The following TNFRSF11A variants were observed in gnomAD, a reference collection of about 807,000 sequenced individuals.
TNFRSF11A encodes the protein TNF receptor superfamily member 11a.
TNFRSF11A carries 32 observed loss-of-function variants against 55.7 expected under a neutral mutation model. That is an observed-to-expected ratio of 0.57 (90% confidence interval 0.43 to 0.77). TNFRSF11A has a LOEUF of 0.77. Among genes scored for constraint, TNFRSF11A ranks in the 30% least tolerant of loss-of-function variants. The pLI, the probability that TNFRSF11A is intolerant of heterozygous loss-of-function variation, is 0.00. For missense variants in TNFRSF11A, 753 were observed against 809.8 expected, an observed-to-expected ratio of 0.93 and a Z score of 0.85; for synonymous variants, 311 against 331.0, an observed-to-expected ratio of 0.94 and a Z score of 0.65.
chr18:62,377,833 T>C (rs559554424), intron 9 of TNFRSF11A, among the ~76,000 whole-genome samples: 10 of 152,300 alleles, frequency 6.6e-5, no homozygotes, highest in African/African-American at 2.4e-4. Context: ...TCTTCCAGTC[T>C]GCGGCTTGTT....
At chr18:62,350,941 G>T (rs1378200422) in intron 3 of TNFRSF11A, among the ~76,000 whole-genome samples, 1 of 150,906 alleles carries the variant, frequency 6.6e-6, no homozygotes, top group Non-Finnish European at 1.5e-5. Context: ...ACATTTTGTT[G>T]GTTGCATTCC....
chr18:62,336,159 A>G (rs1442743230), intron 1 of TNFRSF11A, among the ~76,000 whole-genome samples: 1 of 152,244 alleles, frequency 6.6e-6, no homozygotes, highest in African/African-American at 2.4e-5. Flanking sequence ...GTGTTTGGAA[A>G]TAGGAGAAAG....
At position 62,369,006 on chromosome 18, in the gene TNFRSF11A, C is replaced by T; in HGVS notation, c.1089C>T (p.Leu363=). The part of the protein sequence containing the change: ...PSQPTDQLLF[L]TEPGSKSTPP... The stretch of plus-strand genomic sequence containing the variant: ...AGCCCACAGACCAGTTACTGTTCCT[C>T]ACTGAGCCTGGAAGCAAATCCACAC... The change falls in exon 9 of 10, where the codon CTC becomes CTT. Residue 363 remains leucine (L), a synonymous_variant. Coordinates refer to ENST00000586569, the MANE Select transcript of TNFRSF11A (RefSeq NM_003839.4). The T allele has an allele frequency of 1.2e-6, 2 of 1,614,264 alleles. No homozygotes were observed. The highest frequency in any genetic ancestry group is 1.7e-6 in the Non-Finnish European group (2 of 1,180,052).
At chr18:62,360,711 T>A (rs1909621791) in intron 6 of TNFRSF11A, among the ~76,000 whole-genome samples, 1 of 152,142 alleles carries the variant, frequency 6.6e-6, no homozygotes, top group African/African-American at 2.4e-5. Flanking sequence ...TCTCCCAAAG[T>A]GCTAGGATTA....
intron 3 of TNFRSF11A, among the ~76,000 whole-genome samples, chr18:62,353,052 G>T (rs960845486): frequency 1.3e-5 from 2 of 152,084 alleles, no homozygotes; most frequent in African/African-American, 4.8e-5. Flanking sequence ...GGGGTATGGG[G>T]TCATGTACTT....
intron 1 of TNFRSF11A, among the ~76,000 whole-genome samples, chr18:62,326,044 G>T (rs1748310254): frequency 6.6e-6 from 1 of 152,224 alleles, no homozygotes; most frequent in African/African-American, 2.4e-5. Flanking sequence ...CGGTCCTCTC[G>T]GAACAGGTTT....
Position 62,383,561 on chromosome 18 carries a change from T to C in TNFRSF11A, c.1568-1190T>C, listed in dbSNP as rs1911445001. On this transcript the variant is annotated intron_variant, in intron 9 of 9. Transcript: ENST00000586569. This position sits in a 1 kb window ranked among gnomAD's most constrained non-coding sequence, Gnocchi z 4.2. ...GGATTCTGTTTGTGATGCTGAGTGT[T>C]GGGGTGTTTCTAGATCTGCTTGGTT... 6.6e-6 allele frequency among the ~76,000 whole-genome samples: 1 copy of C among 152,176 alleles called. No individual in the cohort carries two copies. The highest frequency in any genetic ancestry group is 2.4e-5 in the African/African-American group (1 of 41,434).
chr18:62,332,320 G>C (rs2046166916), intron 1 of TNFRSF11A, among the ~76,000 whole-genome samples: 1 of 152,198 alleles, frequency 6.6e-6, no homozygotes, highest in Non-Finnish European at 1.5e-5. Context: ...GTATCACGTA[G>C]TAGCACAAAC....
At chr18:62,363,677 C>A (rs1909869113) in intron 7 of TNFRSF11A, among the ~76,000 whole-genome samples, 1 of 152,020 alleles carries the variant, frequency 6.6e-6, no homozygotes, top group Non-Finnish European at 1.5e-5. Flanking sequence ...AAGTGGTGAC[C>A]ATTTCTTAAA....
At chr18:62,331,807 T>A (rs2046158676) in intron 1 of TNFRSF11A, among the ~76,000 whole-genome samples, 1 of 152,234 alleles carries the variant, frequency 6.6e-6, no homozygotes, top group African/African-American at 2.4e-5. Flanking sequence ...ACATTGCCGC[T>A]GCCTAAGATG....
In TNFRSF11A at chr18:62,361,665, T is replaced by A; in HGVS notation, c.617-15T>A. On this transcript the variant is annotated splice_polypyrimidine_tract_variant and intron_variant, in intron 6 of 9. Coordinates refer to ENST00000586569, the MANE Select transcript of TNFRSF11A (RefSeq NM_003839.4). ...GAATCTTTACTACCATATTTCTCAT[T>A]TTCTTCCAATACAGAACCCCATGTT... 6.2e-7 allele frequency: 1 copy of A among 1,605,084 alleles called. No individual in the cohort carries two copies. Among genetic ancestry groups the A allele is most frequent in the Admixed American group, 1.7e-5 (1 of 60,012 alleles).
chr18:62,375,544 G>A (rs148054622), intron 9 of TNFRSF11A, among the ~76,000 whole-genome samples: 115 of 152,260 alleles, frequency 7.6e-4, no homozygotes, highest in African/African-American at 2.7e-3. Flanking sequence ...AGATTGGTTC[G>A]ATAGCCTGAA....
At position 62,325,325 on chromosome 18, in the gene TNFRSF11A, C is replaced by T; in HGVS notation, c.-28C>T. On this transcript the variant is annotated 5_prime_UTR_variant, in exon 1 of 10. Coordinates refer to ENST00000586569, the MANE Select transcript of TNFRSF11A (RefSeq NM_003839.4). This position sits in a 1 kb window ranked among gnomAD's most constrained non-coding sequence, Gnocchi z 4.7. Reference sequence around the variant, plus strand: ...GCTGGGCCACAGAGGCCGCTGAGGCCGCGGCGCCCGCCAGCCTGTCCCGCG... The same window carrying T: ...GCTGGGCCACAGAGGCCGCTGAGGCTGCGGCGCCCGCCAGCCTGTCCCGCG... 2.0e-6 allele frequency: 2 copies of T among 996,260 alleles called. No individual in the cohort carries two copies. The highest frequency in any genetic ancestry group is 2.4e-6 in the Non-Finnish European group (2 of 835,206). The allele number at this position is 996,260 out of a possible 1,614,324, so 61.7% of individuals were successfully genotyped here. A position where few individuals can be genotyped will look rare whatever the true frequency, so the allele number is the denominator to read the frequency against.
chr18:62,345,288 G>A (rs767015464), intron 1 of TNFRSF11A, among the ~76,000 whole-genome samples: 6 of 152,192 alleles, frequency 3.9e-5, no homozygotes, highest in Non-Finnish European at 5.9e-5. Context: ...GGCATGCTTT[G>A]TCTTTGGCAT....
At chr18:62,371,550 A>G (rs1193152153) in intron 9 of TNFRSF11A, among the ~76,000 whole-genome samples, 1 of 152,246 alleles carries the variant, frequency 6.6e-6, no homozygotes, top group Non-Finnish European at 1.5e-5. Context: ...TTAATTTGCA[A>G]AAAGTTTACA....
At chr18:62,365,406 G>A (rs1910004990) in intron 7 of TNFRSF11A, among the ~76,000 whole-genome samples, 1 of 152,182 alleles carries the variant, frequency 6.6e-6, no homozygotes, top group African/African-American at 2.4e-5. Flanking sequence ...GTAAGAGTGG[G>A]TGGAGATGTA....
At chr18:62,341,555 C>T (rs550111259) in intron 1 of TNFRSF11A, among the ~76,000 whole-genome samples, 12 of 152,336 alleles carry the variant, frequency 7.9e-5, no homozygotes, top group Admixed American at 3.3e-4. Context: ...TATACTTTTA[C>T]TAATTCCACT....
intron 3 of TNFRSF11A, among the ~76,000 whole-genome samples, chr18:62,352,985 G>T (rs2145304452): frequency 6.6e-6 from 1 of 152,288 alleles, no homozygotes; most frequent in South Asian, 2.1e-4. Context: ...GTGAGAAGGA[G>T]CCCTAGAAGG....
At chr18:62,352,219 C>A (rs1195506082) in intron 3 of TNFRSF11A, among the ~76,000 whole-genome samples, 1 of 152,196 alleles carries the variant, frequency 6.6e-6, no homozygotes, top group Non-Finnish European at 1.5e-5. Flanking sequence ...TCTTAAACTA[C>A]AATCAGACAT....
Sources: allele counts gnomAD v4.1 joint callset (sites outside exome capture counted in the v4.1 genomes callset), GRCh38; gene constraint gnomAD v4.1.1; non-coding constraint Gnocchi (gnomAD v3.1); transcripts MANE v1.5; gene names NCBI Gene and HGNC (gene_info 2026-07-23, HGNC 2026-07-21).